Variants in EFCAB5 observed in about 807,000 individuals in gnomAD.
The protein encoded by EFCAB5 is EF-hand calcium-binding domain-containing protein 5.
In EFCAB5, 131 loss-of-function variants were observed where a neutral mutation model predicts 167.9. The observed-to-expected ratio is 0.78, with a 90% CI of 0.68 to 0.90. EFCAB5 has a LOEUF of 0.90. Among genes scored for constraint, EFCAB5 ranks in the 40% least tolerant of loss-of-function variants. EFCAB5 has a pLI of 0.00. For missense variants in EFCAB5, 1,663 were observed against 1,745.2 expected, an observed-to-expected ratio of 0.95 and a Z score of 0.84; for synonymous variants, 574 against 602.8, an observed-to-expected ratio of 0.95 and a Z score of 0.70.
intron 7 of EFCAB5, among the ~76,000 whole-genome samples, chr17:30,027,356 T>C (rs1426727109): frequency 6.8e-6 from 1 of 147,052 alleles, no homozygotes; most frequent in African/African-American, 2.5e-5. Flanking sequence ...TATGGCAAAG[T>C]AGCATATTTG....
chr17:30,091,961 A>G lies in EFCAB5; in HGVS notation c.4028A>G (p.Asn1343Ser), dbSNP rs779082463. Residue 1343 changes from asparagine to serine, a missense_variant, in exon 21 of 23, where the codon AAT becomes AGT. Physicochemically the swap from Asn to Ser is conservative, Grantham distance 46. Coordinates refer to ENST00000394835, the MANE Select transcript of EFCAB5 (RefSeq NM_198529.4). ...CTACAGGAAAGCATCCAACTACTCAATTCCATGGAATTTGTGTCACTGTTG... is the reference window on the plus strand; with the variant it reads ...CTACAGGAAAGCATCCAACTACTCAGTTCCATGGAATTTGTGTCACTGTTG... ...LELQESIQLLNSMEFVSLLLY... is the reference protein window; with the variant it reads ...LELQESIQLLSSMEFVSLLLY... The G allele has an allele frequency of 1.9e-6, 3 of 1,614,006 alleles. No homozygotes were observed. The highest frequency in any genetic ancestry group is 1.7e-5 in the Admixed American group (1 of 60,022).
At chr17:29,979,600 C>T (rs1399119576) in intron 4 of EFCAB5, among the ~76,000 whole-genome samples, 1 of 152,210 alleles carries the variant, frequency 6.6e-6, no homozygotes, top group African/African-American at 2.4e-5. Context: ...GTTTCTTTAG[C>T]TGGCTAAGTT....
chr17:29,991,222 C>T lies in EFCAB5; in HGVS notation c.768-1943C>T, dbSNP rs534674675. 2.2e-4 allele frequency among the ~76,000 whole-genome samples: 34 copies of T among 152,228 alleles called. No homozygotes were observed. The Middle Eastern group carries it at 0.014, about 61-fold the overall frequency. On this transcript the variant is annotated intron_variant, in intron 4 of 22. Coordinates refer to ENST00000394835, the MANE Select transcript of EFCAB5 (RefSeq NM_198529.4). ...TCCGACTGTCACTCCAGTGACCCTT[C>T]GACCCAGGTTCCAGCCCCATGTATG... is the stretch of plus-strand genomic sequence containing the variant.
chr17:30,036,947 C>T (rs2069645004), intron 8 of EFCAB5, among the ~76,000 whole-genome samples: 1 of 152,060 alleles, frequency 6.6e-6, no homozygotes, highest in South Asian at 2.1e-4. Context: ...TTGTCTGGGT[C>T]CCTAAGTCAG....
chr17:30,030,162 T>G (rs2069440918), intron 7 of EFCAB5, among the ~76,000 whole-genome samples: 1 of 152,234 alleles, frequency 6.6e-6, no homozygotes. Flanking sequence ...ATCTGGAATT[T>G]GATTTGTAGT....
chr17:29,964,870 G>C (rs905095322), intron 3 of EFCAB5, among the ~76,000 whole-genome samples: 1 of 148,502 alleles, frequency 6.7e-6, no homozygotes, highest in Non-Finnish European at 1.5e-5. Flanking sequence ...ACTTTTTCGA[G>C]TTTCTTAAGG....
At chr17:30,068,733 G>C in intron 14 of EFCAB5, 2 of 1,477,486 alleles carry the variant, frequency 1.4e-6, no homozygotes, top group Middle Eastern at 3.5e-4. Flanking sequence ...ATGGCAGCCG[G>C]GATGAGCTGT....
chr17:30,094,865 G>T (rs2071267217), intron 22 of EFCAB5, among the ~76,000 whole-genome samples: 1 of 152,128 alleles, frequency 6.6e-6, no homozygotes, highest in African/African-American at 2.4e-5. Flanking sequence ...CCCTGTGGGG[G>T]ACCCTCTGAC....
chr17:30,058,525 C>T (rs879886037), intron 13 of EFCAB5, among the ~76,000 whole-genome samples: 2 of 151,992 alleles, frequency 1.3e-5, no homozygotes, highest in African/African-American at 2.4e-5. Context: ...TTTATTTTTG[C>T]AATTATATCT....
At chr17:30,090,276 G>C in intron 19 of EFCAB5, 145 bp from the exon 20 acceptor site, 1 of 1,049,682 alleles carries the variant, frequency 9.5e-7, no homozygotes, top group African/African-American at 1.6e-5. Context: ...TCAAGGGCTA[G>C]AATGCTCCAG....
chr17:30,072,913 T>A (rs2070776710), intron 14 of EFCAB5, among the ~76,000 whole-genome samples: 1 of 152,172 alleles, frequency 6.6e-6, no homozygotes, highest in Non-Finnish European at 1.5e-5. Flanking sequence ...GCAGTATGTA[T>A]TCATGGTTTC....
intron 18 of EFCAB5, among the ~76,000 whole-genome samples, chr17:30,085,972 A>G (rs2071082243): frequency 6.6e-6 from 1 of 152,086 alleles, no homozygotes; most frequent in African/African-American, 2.4e-5. Context: ...TCATATTTTT[A>G]ATTTGTTCCA....
rs961483127 is a variant in EFCAB5, at chr17:30,000,084, C to T, written c.1044+108C>T. The T allele has an allele frequency of 1.9e-5, 14 of 729,324 alleles. No homozygotes were observed. The African/African-American group carries it at 2.5e-4, about 13-fold the overall frequency. The allele number at this position is 729,324 out of a possible 1,614,324, so 45.2% of individuals were successfully genotyped here. ...ATTAGTATTAAATGAAAGCACAAAA[C>T]TTATTTTATACATTCTAAAATATGT... On this transcript the variant is annotated intron_variant, in intron 7 of 22. Coordinates refer to ENST00000394835, the MANE Select transcript of EFCAB5 (RefSeq NM_198529.4).
intron 4 of EFCAB5, among the ~76,000 whole-genome samples, chr17:29,990,437 C>A (rs138873586): frequency 1.3e-5 from 2 of 152,318 alleles, no homozygotes; most frequent in African/African-American, 4.8e-5. Flanking sequence ...GCTATATGCT[C>A]TCCTGGCTCT....
intron 22 of EFCAB5, among the ~76,000 whole-genome samples, chr17:30,103,527 T>A (rs1222278271): frequency 2.6e-5 from 4 of 152,144 alleles, no homozygotes; most frequent in Admixed American, 1.3e-4. Flanking sequence ...TAGAACAAAC[T>A]TCCCCCTCAA....
At position 30,080,812 on chromosome 17, in the gene EFCAB5, A is replaced by G. The variant is rs1422970053; in HGVS notation, c.3257A>G (p.Asn1086Ser). 2.5e-6 allele frequency: 4 copies of G among 1,613,256 alleles called. No homozygotes were observed. Among genetic ancestry groups the G allele is most frequent in the Non-Finnish European group, 3.4e-6 (4 of 1,179,622 alleles). ...GTTCCCCAAGTTCAGTACCATGGGAACATCTTCTTCTGGAACCAGTCCCGT... is the reference window on the plus strand; with the variant it reads ...GTTCCCCAAGTTCAGTACCATGGGAGCATCTTCTTCTGGAACCAGTCCCGT... ...IHVPQVQYHG[N>S]IFFWNQSRNK... Residue 1086 changes from asparagine to serine, a missense_variant, in exon 17 of 23, where the codon AAC (asparagine) becomes AGC (serine). Asn to Ser is a conservative substitution (Grantham distance 46, BLOSUM62 1). Transcript: ENST00000394835.
At chr17:30,011,682 G>C (rs569084056) in intron 7 of EFCAB5, among the ~76,000 whole-genome samples, 16 of 152,120 alleles carry the variant, frequency 1.1e-4, no homozygotes, top group African/African-American at 2.7e-4. Context: ...GCTGAAGTTG[G>C]TTATCAGCTT....
chr17:29,984,601 C>T (rs1254054618), intron 4 of EFCAB5, among the ~76,000 whole-genome samples: 2 of 151,958 alleles, frequency 1.3e-5, no homozygotes, highest in African/African-American at 2.4e-5. Context: ...ACCTGTAATC[C>T]CAGCTACTTG....
At chr17:30,018,854 T>C (rs2069109776) in intron 7 of EFCAB5, among the ~76,000 whole-genome samples, 1 of 152,224 alleles carries the variant, frequency 6.6e-6, no homozygotes, top group South Asian at 2.1e-4. Context: ...TATTTTTTGC[T>C]AGATTGAGTT....
Sources: allele counts gnomAD v4.1 joint callset (sites outside exome capture counted in the v4.1 genomes callset), GRCh38; gene constraint gnomAD v4.1.1; transcripts MANE v1.5; gene names NCBI Gene and HGNC (gene_info 2026-07-23, HGNC 2026-07-21).